MAP7: variants seen among roughly 807,000 people sequenced by gnomAD.
MAP7 encodes the protein microtubule associated protein 7.
MAP7 carries 52 observed loss-of-function variants against 94.8 expected under a neutral mutation model. That is an observed-to-expected ratio of 0.55 (90% CI 0.44 to 0.69). The LOEUF (loss-of-function observed/expected upper bound fraction) is 0.69. Ranked by LOEUF, MAP7 falls within the 30% of genes least tolerant of loss-of-function variation. The probability of loss-of-function intolerance (pLI) is 0.00; values close to 1 mark genes in which losing one functional copy is unlikely to be tolerated. For synonymous variants in MAP7, 350 were observed against 357.0 expected (o/e 0.98, Z 0.22); for missense variants, 940 against 964.6 (o/e 0.97, Z 0.34).
intron 3 of MAP7, among the ~76,000 whole-genome samples, chr6:136,391,739 C>T (rs1303643732): frequency 1.3e-5 from 2 of 149,808 alleles, no homozygotes; most frequent in African/African-American, 2.4e-5. Context: ...ATAAATACCA[C>T]TGTGAGAACA....
chr6:136,378,329 T>C lies in MAP7; in HGVS notation c.638-461A>G, dbSNP rs191999622. Among the ~76,000 whole-genome samples the C allele has an allele frequency of 1.0e-3, 152 of 151,988 alleles. 1 individual carries two copies. The highest frequency in any genetic ancestry group is 3.5e-3 in the African/African-American group (146 of 41,432). ...CACTGGCAGGTTAATGAAAGACGAG[T>C]TAAATAAAAGACAGAAAGGGGACCC... On this transcript the variant is annotated intron_variant, in intron 6 of 17. Coordinates refer to ENST00000354570, the MANE Select transcript of MAP7 (RefSeq NM_003980.6).
chr6:136,521,349 A>G (rs1026976275), intron 1 of MAP7, among the ~76,000 whole-genome samples: 5 of 152,198 alleles, frequency 3.3e-5, no homozygotes, highest in African/African-American at 1.2e-4. Flanking sequence ...GTGGCACGCT[A>G]TGGAGGATGG....
Position 136,383,739 on chromosome 6 carries a change from T to C in MAP7, c.569A>G (p.Tyr190Cys), listed in dbSNP as rs774035745. The C allele has an allele frequency of 6.2e-7, 1 of 1,611,526 alleles. No homozygotes were observed. Among genetic ancestry groups the C allele is most frequent in the South Asian group, 1.1e-5 (1 of 90,588 alleles). ...RSVSTMNLSK[Y>C]VDPVISKRLS... ...CCGCTTGCTAATGACGGGATCAACATATTTCGAAAGATTCATGGTGGAAAC... is the reference window on the plus strand; with the variant it reads ...CCGCTTGCTAATGACGGGATCAACACATTTCGAAAGATTCATGGTGGAAAC... The change falls in exon 6 of 18, where the codon TAT (tyrosine) becomes TGT (cysteine). Residue 190 changes from tyrosine (Y) to cysteine (C), a missense_variant. By Grantham distance (194) the Tyr-to-Cys change is radical. Transcript: ENST00000354570.
At chr6:136,396,454 C>T (rs995801461) in intron 3 of MAP7, among the ~76,000 whole-genome samples, 17 of 152,074 alleles carry the variant, frequency 1.1e-4, no homozygotes, top group East Asian at 1.9e-4. Flanking sequence ...AGATTTTTGG[C>T]GAAGCTTTTA....
In MAP7 at chr6:136,408,139, T is replaced by C. The variant is rs529983269; in HGVS notation, c.244+3481A>G. On this transcript the variant is annotated intron_variant, in intron 3 of 17. Transcript: ENST00000354570. Reference sequence around the variant, plus strand: ...AAATAAAAGCTTAGAAGAGAGAGAGTGAAAAACATGCAGAAGTCAAGAGAG... The same window carrying C: ...AAATAAAAGCTTAGAAGAGAGAGAGCGAAAAACATGCAGAAGTCAAGAGAG... Among the ~76,000 whole-genome samples the C allele has an allele frequency of 1.1e-3, 154 of 144,896 alleles. No individual in the cohort carries two copies. In the Middle Eastern group the frequency reaches 0.014, roughly 13 times the overall value.
At chr6:136,395,826 C>A (rs916530490) in intron 3 of MAP7, among the ~76,000 whole-genome samples, 5 of 152,110 alleles carry the variant, frequency 3.3e-5, no homozygotes, top group African/African-American at 1.2e-4. Context: ...CTTTCCCCAC[C>A]GAATGTTCTT....
chr6:136,466,757 T>G (rs1454928686), intron 1 of MAP7: 3 of 1,534,320 alleles, frequency 2.0e-6, no homozygotes, highest in East Asian at 2.4e-5. Context: ...GCCCAAGAAC[T>G]TACAGTACAG....
chr6:136,521,564 T>C (rs1053659279), intron 1 of MAP7, among the ~76,000 whole-genome samples: 1 of 152,220 alleles, frequency 6.6e-6, no homozygotes, highest in African/African-American at 2.4e-5. Flanking sequence ...GTCAATCAGA[T>C]GACTGCTTTA....
chr6:136,458,308 T>C (rs1325605617), intron 1 of MAP7, among the ~76,000 whole-genome samples: 1 of 152,104 alleles, frequency 6.6e-6, no homozygotes, highest in Non-Finnish European at 1.5e-5. Flanking sequence ...TATCCTATGG[T>C]TATGGATGGG....
chr6:136,501,666 T>C (rs1365306141), intron 1 of MAP7, among the ~76,000 whole-genome samples: 1 of 152,186 alleles, frequency 6.6e-6, no homozygotes, highest in African/African-American at 2.4e-5. Flanking sequence ...TTTTATATAT[T>C]GCACATGTCA....
intron 1 of MAP7, among the ~76,000 whole-genome samples, chr6:136,486,710 T>A (rs972939997): frequency 1.3e-5 from 2 of 152,206 alleles, no homozygotes; most frequent in African/African-American, 4.8e-5. Context: ...CTTGTGAATT[T>A]ACAGTTTACA....
intron 3 of MAP7, among the ~76,000 whole-genome samples, chr6:136,409,465 T>C (rs926192050): frequency 6.6e-6 from 1 of 152,216 alleles, no homozygotes; most frequent in East Asian, 1.9e-4. Flanking sequence ...GCTGTAATAA[T>C]AGAATAATAC....
intron 3 of MAP7, among the ~76,000 whole-genome samples, chr6:136,402,575 G>C (rs1784390321): frequency 6.6e-6 from 1 of 152,156 alleles, no homozygotes; most frequent in Non-Finnish European, 1.5e-5. Context: ...GAGATCAAGA[G>C]CTTTTCTTAT....
At chr6:136,379,840 G>C (rs768811966) in intron 6 of MAP7, among the ~76,000 whole-genome samples, 2 of 152,188 alleles carry the variant, frequency 1.3e-5, no homozygotes, top group Admixed American at 6.5e-5. Flanking sequence ...AGAGAGATCT[G>C]TTTCATATCT....
intron 1 of MAP7, among the ~76,000 whole-genome samples, chr6:136,486,647 AG>A (rs1234609595): frequency 2.0e-5 from 3 of 152,140 alleles, no homozygotes; most frequent in Non-Finnish European, 4.4e-5. Flanking sequence ...ATCCTGCCCT[AG>A]CTTTGAGGCT....
chr6:136,346,103 T>G, intron 16 of MAP7, 24 bp from the exon 17 acceptor site: 1 of 1,455,960 alleles, frequency 6.9e-7, no homozygotes, highest in Non-Finnish European at 9.5e-7. Context: ...AAAATAAAAA[T>G]AGAAATAAGT....
chr6:136,345,938 C>A lies in MAP7; in HGVS notation c.2157G>T (p.Leu719Phe). 1 of 1,614,124 alleles carries A rather than the reference C, an allele frequency of 6.2e-7. No individual in the cohort carries two copies. The highest frequency in any genetic ancestry group is 1.6e-4 in the Middle Eastern group (1 of 6,062). ...VTNSESPEIP[L>F]NPILAFDDEG... ...CATCATCAAAGGCCAAAATTGGATTCAAAGGAATTTCTGGGCTCTCACTGT... is the reference window on the plus strand; with the variant it reads ...CATCATCAAAGGCCAAAATTGGATTAAAAGGAATTTCTGGGCTCTCACTGT... The change falls in exon 17 of 18, where the codon TTG (leucine) becomes TTT (phenylalanine). Residue 719 changes from leucine (L) to phenylalanine (F), a missense_variant. By Grantham distance (22) the Leu-to-Phe change is conservative (BLOSUM62 0). Transcript: ENST00000354570.
chr6:136,450,782 C>T (rs1357848046), intron 1 of MAP7, among the ~76,000 whole-genome samples: 1 of 149,728 alleles, frequency 6.7e-6, no homozygotes, highest in South Asian at 2.1e-4. Flanking sequence ...AAAACTCCAT[C>T]TCAAAAAAAA....
At chr6:136,486,754 G>C (rs1814908740) in intron 1 of MAP7, among the ~76,000 whole-genome samples, 1 of 152,156 alleles carries the variant, frequency 6.6e-6, no homozygotes, top group Non-Finnish European at 1.5e-5. Context: ...TTTTGGTGCG[G>C]ATCTGATTGA....
Sources: gnomAD v4.1 joint callset for allele counts (sites outside exome capture counted in the v4.1 genomes callset) on GRCh38, gnomAD v4.1.1 for gene constraint, MANE v1.5 for transcripts, NCBI Gene and HGNC (gene_info 2026-07-23, HGNC 2026-07-21) for gene names.